The following TXLNG variants were observed in gnomAD, a reference collection of about 807,000 sequenced individuals.
The protein encoded by TXLNG is taxilin gamma, also known as gamma-taxilin.
Under a neutral mutation model 38.8 loss-of-function variants are expected in TXLNG, and 5 were observed. The ratio of observed to expected loss-of-function variants is 0.13; its 90% CI spans 0.07 to 0.27. TXLNG has a LOEUF of 0.27. Ranked by LOEUF, TXLNG falls within the 10% of genes least tolerant of loss-of-function variation. TXLNG has a pLI of 1.00. For missense variants in TXLNG, 393 were observed against 398.2 expected (o/e 0.99, Z 0.11); for synonymous variants, 182 against 158.2 (o/e 1.15, Z -1.13).
intron 5 of TXLNG, 45 bp downstream of exon 5, chrX:16,829,815 A>C: frequency 8.7e-7 from 1 of 1,151,270 alleles, no homozygotes; most frequent in Non-Finnish European, 1.2e-6. Flanking sequence ...AGATTAGCAA[A>C]AGTGTCACCA....
chrX:16,820,298 C>T (rs778048952), intron 3 of TXLNG, 43 bp downstream of exon 3: 30 of 1,027,629 alleles, frequency 2.9e-5, no homozygotes, highest in Non-Finnish European at 3.7e-5. Flanking sequence ...TAAAATATAA[C>T]AAAATGTGTG....
intron 1 of TXLNG, among the ~76,000 whole-genome samples, chrX:16,787,268 G>A (rs1047240896): frequency 1.8e-5 from 2 of 112,286 alleles, no homozygotes; most frequent in Non-Finnish European, 3.8e-5. Flanking sequence ...CTGCACGTGG[G>A]GCCGGGGATG....
At chrX:16,788,171 A>G (rs1199067627) in intron 1 of TXLNG, among the ~76,000 whole-genome samples, 4 of 112,186 alleles carry the variant, frequency 3.6e-5, no homozygotes, top group African/African-American at 1.3e-4. Flanking sequence ...TCCCCAGGGG[A>G]GGAGGACTCT....
In TXLNG at chrX:16,828,162, A is replaced by C. The variant is rs374635294; in HGVS notation, c.567A>C (p.Lys189Asn). The C allele has an allele frequency of 8.3e-7, 1 of 1,209,903 alleles. No individual in the cohort carries two copies. Among genetic ancestry groups the C allele is most frequent in the African/African-American group, 1.7e-5 (1 of 57,275 alleles). Residue 189 changes from lysine to asparagine, a missense_variant, in exon 4 of 10, where the codon AAA becomes AAC. By Grantham distance (94) the Lys-to-Asn change is moderately conservative. Transcript: ENST00000380122. ...AGAAGAAGCAAGCCCAGATTGTGAA[A>C]GAGAAAGTTCACTTGCAGAGTGAAC... The part of the protein sequence containing the change: ...ILQKKQAQIV[K>N]EKVHLQSEHS...
At chrX:16,820,828 G>A (rs1274793913) in intron 3 of TXLNG, among the ~76,000 whole-genome samples, 3 of 112,001 alleles carry the variant, frequency 2.7e-5, no homozygotes, top group Non-Finnish European at 5.6e-5. Context: ...GAGTGCAGTG[G>A]TGTGATCTCA....
intron 3 of TXLNG, among the ~76,000 whole-genome samples, chrX:16,826,962 C>T (rs1268259578): frequency 1.8e-5 from 2 of 109,215 alleles, no homozygotes; most frequent in East Asian, 5.9e-4. Flanking sequence ...GGCATGGTGG[C>T]TTATGCTTGT....
chrX:16,829,921 C>G, intron 5 of TXLNG, 151 bp downstream of exon 5: 1 of 508,071 alleles, frequency 2.0e-6, no homozygotes. Flanking sequence ...TCAGGCACCA[C>G]AAATGAGATC....
chrX:16,841,547 A>G lies in TXLNG; in HGVS notation c.1368A>G (p.Lys456=). Residue 456 remains lysine (K), a synonymous_variant, in exon 10 of 10, where the codon AAA becomes AAG. Coordinates refer to ENST00000380122, the MANE Select transcript of TXLNG (RefSeq NM_018360.3). ...NELNEKVEVL[K]EQVSIKAAIK... ...TCAATGAGAAGGTGGAAGTCCTGAA[A>G]GAGCAGGTATCCATCAAAGCGGCCA... is the stretch of plus-strand genomic sequence containing the variant. 8.3e-7 allele frequency: 1 copy of G among 1,212,042 alleles called. No homozygotes were observed. The highest frequency in any genetic ancestry group is 1.1e-6 in the Non-Finnish European group (1 of 895,622).
intron 8 of TXLNG, among the ~76,000 whole-genome samples, chrX:16,838,621 TACC>T (rs1257692375): frequency 1.4e-4 from 16 of 112,275 alleles, no homozygotes; most frequent in Non-Finnish European, 3.8e-5. Flanking sequence ...GTGCTCAAAT[TACC>T]ACCTCCAGGT....
chrX:16,802,821 CTT>C (rs561657297), intron 1 of TXLNG, among the ~76,000 whole-genome samples: 90 of 87,309 alleles, frequency 1.0e-3, no homozygotes, highest in East Asian at 4.9e-3. Context: ...TTCTTTCTTT[CTT>C]TTTTTTTTTT....
chrX:16,830,699 T>A (rs1265760080), intron 5 of TXLNG, among the ~76,000 whole-genome samples: 1 of 105,436 alleles, frequency 9.5e-6, no homozygotes, highest in African/African-American at 3.4e-5. Flanking sequence ...AAACTGCTAT[T>A]TTTTTTTTAA....
At position 16,842,909 on chromosome X, in the gene TXLNG, TAAG is replaced by T. The variant is rs1471580093; in HGVS notation, c.*1149_*1151del. 1 of 112,026 alleles carries T rather than the reference TAAG, an allele frequency of 8.9e-6. No homozygotes were observed. The highest frequency in any genetic ancestry group is 3.2e-5 in the African/African-American group (1 of 30,808). The allele number at this position is 112,026 out of a possible 1,213,427, so 9.2% of individuals were successfully genotyped here. A position where few individuals can be genotyped will look rare whatever the true frequency, so the allele number is the denominator to read the frequency against. ...CCCTTCTTAGTTACCATCTCTTTTT[TAAG>T]AAGAAAAAAGAAAAGCCACAGTATT... On this transcript the variant is annotated 3_prime_UTR_variant, in exon 10 of 10. Coordinates refer to ENST00000380122, the MANE Select transcript of TXLNG (RefSeq NM_018360.3).
intron 1 of TXLNG, among the ~76,000 whole-genome samples, chrX:16,811,062 A>G (rs1928496804): frequency 9.0e-6 from 1 of 111,667 alleles, no homozygotes; most frequent in Admixed American, 9.6e-5. Context: ...TTGCCTCTGT[A>G]TGCTCCCCAT....
intron 1 of TXLNG, among the ~76,000 whole-genome samples, chrX:16,809,683 G>C (rs1247752114): frequency 9.0e-6 from 1 of 111,023 alleles, no homozygotes; most frequent in East Asian, 2.8e-4. Flanking sequence ...GCACTTCTCT[G>C]TGTGTGTATG....
At chrX:16,805,389 C>T (rs1316491341) in intron 1 of TXLNG, among the ~76,000 whole-genome samples, 1 of 110,871 alleles carries the variant, frequency 9.0e-6, no homozygotes. Context: ...ATGGAGCAGT[C>T]ATTCTGCTGT....
chrX:16,827,153 C>T (rs964720836), intron 3 of TXLNG, among the ~76,000 whole-genome samples: 4 of 110,790 alleles, frequency 3.6e-5, no homozygotes, highest in Non-Finnish European at 5.7e-5. Flanking sequence ...CGCTTGAACC[C>T]GGGAGGTGGA....
At chrX:16,830,359 A>G (rs756144973) in intron 5 of TXLNG, among the ~76,000 whole-genome samples, 4 of 106,750 alleles carry the variant, frequency 3.7e-5, no homozygotes, top group African/African-American at 1.4e-4. Flanking sequence ...TTATAAGCTA[A>G]TCTGGAAGTT....
chrX:16,827,538 T>TCCTTCAAAAAGCA (rs1929214689), intron 3 of TXLNG, among the ~76,000 whole-genome samples: 1 of 111,583 alleles, frequency 9.0e-6, no homozygotes, highest in Non-Finnish European at 1.9e-5. Flanking sequence ...AAGCACAAGA[T>TCCTTCAAAAAGCA]CATAGCTGGA....
intron 1 of TXLNG, among the ~76,000 whole-genome samples, chrX:16,794,428 T>A (rs1207689398): frequency 9.0e-6 from 1 of 111,339 alleles, no homozygotes; most frequent in African/African-American, 3.3e-5. Flanking sequence ...AGGTTAACCT[T>A]GAGATTTATG....
Sources: gnomAD v4.1 joint callset for allele counts (sites outside exome capture counted in the v4.1 genomes callset) on GRCh38, gnomAD v4.1.1 for gene constraint, MANE v1.5 for transcripts, NCBI Gene and HGNC (gene_info 2026-07-23, HGNC 2026-07-21) for gene names.